PXK: variants seen among roughly 807,000 people sequenced by gnomAD.
PXK encodes the protein PX domain containing serine/threonine kinase like, also known as PX domain-containing protein kinase-like protein.
A neutral mutation model predicts 84.7 loss-of-function variants in PXK; 35 were observed. The ratio of observed to expected loss-of-function variants is 0.41; its 90% CI spans 0.32 to 0.55. The LOEUF is 0.55. Ranked by LOEUF, PXK falls within the 20% of genes least tolerant of loss-of-function variation. PXK has a pLI of 0.21. For missense variants in PXK, 634 were observed against 699.7 expected, an observed-to-expected ratio of 0.91 and a Z score of 1.06; for synonymous variants, 253 against 260.8, an observed-to-expected ratio of 0.97 and a Z score of 0.29.
rs946447365 is a variant in PXK, at chr3:58,425,484, A to G, written c.*524A>G. 1 of 155,544 alleles carries G rather than the reference A, an allele frequency of 6.4e-6. No individual in the cohort carries two copies. Among genetic ancestry groups the G allele is most frequent in the Non-Finnish European group, 1.4e-5 (1 of 70,276 alleles). 9.6% of individuals were successfully genotyped at this position (155,544 alleles called of 1,614,324 possible). ...AGTTACTTTGCTAAATCAGAAAGCA[A>G]CTGAGTTCTTTGTTTTCTCCTCAAA... On this transcript the variant is annotated 3_prime_UTR_variant, in exon 18 of 18. Coordinates refer to ENST00000356151, the MANE Select transcript of PXK (RefSeq NM_017771.5).
intron 1 of PXK, among the ~76,000 whole-genome samples, chr3:58,365,082 A>T (rs2098250798): frequency 6.6e-6 from 1 of 150,704 alleles, no homozygotes; most frequent in Non-Finnish European, 1.5e-5. Context: ...TTCTTTTTCT[A>T]GGTTCTTGAG....
intron 4 of PXK, 119 bp downstream of exon 4, chr3:58,382,819 A>G: frequency 1.4e-6 from 1 of 711,590 alleles, no homozygotes; most frequent in Admixed American, 3.6e-5. Context: ...CATTTGTTAT[A>G]GCATATTATG....
At position 58,370,587 on chromosome 3, in the gene PXK, C is replaced by A. The variant is rs532666113; in HGVS notation, c.201+1109C>A. On this transcript the variant is annotated intron_variant, in intron 3 of 17. Transcript: ENST00000356151. This position sits in a 1 kb window ranked among gnomAD's most constrained non-coding sequence, Gnocchi z 4.2. ...CCGTCATTGGTGAGCTAGCCGTTAT[C>A]GCTCATTCTGAGGGACCTCTGATCT... Among the ~76,000 whole-genome samples the A allele has an allele frequency of 6.6e-6, 1 of 152,150 alleles. No individual in the cohort carries two copies. Among genetic ancestry groups the A allele is most frequent in the South Asian group, 2.1e-4 (1 of 4,818 alleles).
At position 58,397,320 on chromosome 3, in the gene PXK, C is replaced by T. The variant is rs769015828; in HGVS notation, c.984+120C>T. On this transcript the variant is annotated intron_variant, in intron 10 of 17. Coordinates refer to ENST00000356151, the MANE Select transcript of PXK (RefSeq NM_017771.5). This position sits in a 1 kb window ranked among gnomAD's most constrained non-coding sequence, Gnocchi z 4.7. ...AGGTATAGTTGGGACAGGCCTTGCCCGTCAGCCCTTGCAGCGTTGCTGTAT... is the reference window on the plus strand; with the variant it reads ...AGGTATAGTTGGGACAGGCCTTGCCTGTCAGCCCTTGCAGCGTTGCTGTAT... The T allele has an allele frequency of 7.5e-5, 93 of 1,246,502 alleles. 1 individual carries two copies. Among genetic ancestry groups the T allele is most frequent in the South Asian group, 2.8e-4 (21 of 73,996 alleles). The allele number at this position is 1,246,502 out of a possible 1,614,324, so 77.2% of individuals were successfully genotyped here. A position where few individuals can be genotyped will look rare whatever the true frequency, so the allele number is the denominator to read the frequency against.
rs2058432287 is a variant in PXK, at chr3:58,400,729, G to A, written c.1181+1352G>A. On this transcript the variant is annotated intron_variant, in intron 12 of 17. Coordinates refer to ENST00000356151, the MANE Select transcript of PXK (RefSeq NM_017771.5). This position sits in a 1 kb window ranked among gnomAD's most constrained non-coding sequence, Gnocchi z 4.0. Reference sequence around the variant, plus strand: ...AGTTCAAGACCATCCTGGCCAACGTGTGGTGAAACCCTGTCTCTACTAAGA... The same window carrying A: ...AGTTCAAGACCATCCTGGCCAACGTATGGTGAAACCCTGTCTCTACTAAGA... Among the ~76,000 whole-genome samples the A allele has an allele frequency of 6.6e-6, 1 of 152,128 alleles. No individual in the cohort carries two copies. The highest frequency in any genetic ancestry group is 1.5e-5 in the Non-Finnish European group (1 of 68,030).
chr3:58,424,976 C>T lies in PXK; in HGVS notation c.*16C>T. On this transcript the variant is annotated 3_prime_UTR_variant, in exon 18 of 18. Transcript: ENST00000356151. The stretch of plus-strand genomic sequence containing the variant: ...GATCGGCTGAAGCTTCCTGTTTACA[C>T]TTGGAGGGAAAAGTTCTTTTTTATT... 1 of 1,613,334 alleles carries T rather than the reference C, an allele frequency of 6.2e-7. No individual in the cohort carries two copies. The highest frequency in any genetic ancestry group is 8.5e-7 in the Non-Finnish European group (1 of 1,179,660).
intron 1 of PXK, among the ~76,000 whole-genome samples, chr3:58,342,330 G>T (rs950009367): frequency 6.7e-6 from 1 of 149,520 alleles, no homozygotes; most frequent in African/African-American, 2.4e-5. Context: ...TGGATCTTAG[G>T]GTAAGAATCA....
At chr3:58,380,265 G>A (rs532062288) in intron 3 of PXK, among the ~76,000 whole-genome samples, 3 of 151,976 alleles carry the variant, frequency 2.0e-5, no homozygotes, top group East Asian at 3.9e-4. Flanking sequence ...AACAAAAAAT[G>A]GATCAAGAAT....
intron 4 of PXK, among the ~76,000 whole-genome samples, chr3:58,384,198 A>G (rs562672887): frequency 6.6e-6 from 1 of 152,318 alleles, no homozygotes; most frequent in African/African-American, 2.4e-5. Flanking sequence ...CAGCATTGGC[A>G]TCACTGGGAG....
At chr3:58,334,089 G>A (rs914094630) in intron 1 of PXK, among the ~76,000 whole-genome samples, 2 of 151,988 alleles carry the variant, frequency 1.3e-5, no homozygotes, top group Non-Finnish European at 2.9e-5. Context: ...GTGTTTGGGG[G>A]GTCATCATCT....
chr3:58,364,376 C>CG lies in PXK; in HGVS notation c.103-1492dup. ...CCATTGGGCCTTGATACATATTTGG[C>CG]GGGGGGAGGGGAGCGGAGTTTTTTA... On this transcript the variant is annotated intron_variant, in intron 1 of 17. Transcript: ENST00000356151. The surrounding 1 kb of genome is among the most constrained non-coding windows in gnomAD (Gnocchi z 4.3). Among the ~76,000 whole-genome samples the CG allele has an allele frequency of 6.6e-6, 1 of 151,878 alleles. No individual in the cohort carries two copies. Among genetic ancestry groups the CG allele is most frequent in the Admixed American group, 6.6e-5 (1 of 15,258 alleles).
intron 1 of PXK, 93 bp from the exon 2 acceptor site, chr3:58,365,781 T>G: frequency 9.6e-7 from 1 of 1,046,526 alleles, no homozygotes; most frequent in Non-Finnish European, 1.4e-6. Context: ...GAAGTCTACT[T>G]TATCTGATTT....
intron 1 of PXK, among the ~76,000 whole-genome samples, chr3:58,335,538 TG>T (rs1373427175): frequency 6.8e-6 from 1 of 147,274 alleles, no homozygotes; most frequent in Admixed American, 6.6e-5. Flanking sequence ...AGAAAGGCAC[TG>T]TTTTTTCTTG....
chr3:58,356,782 T>C (rs964335565), intron 1 of PXK, among the ~76,000 whole-genome samples: 1 of 151,854 alleles, frequency 6.6e-6, no homozygotes, highest in East Asian at 2.0e-4. Flanking sequence ...TTTTGTATTT[T>C]TAGTAGAGAC....
Position 58,416,246 on chromosome 3 carries a change from C to G in PXK, c.1528+3283C>G, listed in dbSNP as rs1251901307. Among the ~76,000 whole-genome samples, 2 of 152,194 alleles carry G rather than the reference C, an allele frequency of 1.3e-5. No homozygotes were observed. Among genetic ancestry groups the G allele is most frequent in the Non-Finnish European group, 2.9e-5 (2 of 68,040 alleles). On this transcript the variant is annotated intron_variant, in intron 17 of 17. Coordinates refer to ENST00000356151, the MANE Select transcript of PXK (RefSeq NM_017771.5). This position sits in a 1 kb window ranked among gnomAD's most constrained non-coding sequence, Gnocchi z 4.8. Reference sequence around the variant, plus strand: ...TTCTCTGGAGCTTTAACTTCCTTGGCTATTGTTCTTAAGCCACTTATTACC... The same window carrying G: ...TTCTCTGGAGCTTTAACTTCCTTGGGTATTGTTCTTAAGCCACTTATTACC...
chr3:58,334,095 C>G (rs575857844), intron 1 of PXK, among the ~76,000 whole-genome samples: 32 of 152,262 alleles, frequency 2.1e-4, no homozygotes, highest in Non-Finnish European at 3.2e-4. Context: ...GGGGGGTCAT[C>G]ATCTGGAGGC....
At position 58,333,758 on chromosome 3, in the gene PXK, C is replaced by T. The variant is rs2097539361; in HGVS notation, c.102+668C>T. ...AGCATTCATTTGAGTTTAAAATCCACTCGAGTAGCATAAAGGAGTAATAGG... is the reference window on the plus strand; with the variant it reads ...AGCATTCATTTGAGTTTAAAATCCATTCGAGTAGCATAAAGGAGTAATAGG... On this transcript the variant is annotated intron_variant, in intron 1 of 17. Coordinates refer to ENST00000356151, the MANE Select transcript of PXK (RefSeq NM_017771.5). This position sits in a 1 kb window ranked among gnomAD's most constrained non-coding sequence, Gnocchi z 5.4. The T allele has an allele frequency of 4.9e-6, 2 of 405,714 alleles. No homozygotes were observed. Among genetic ancestry groups the T allele is most frequent in the South Asian group, 1.8e-5 (1 of 56,488 alleles). The allele number at this position is 405,714 out of a possible 1,614,324, so 25.1% of individuals were successfully genotyped here. A position where few individuals can be genotyped will look rare whatever the true frequency, so the allele number is the denominator to read the frequency against.
In PXK at chr3:58,364,459, C is replaced by A. The variant is rs1378491711; in HGVS notation, c.103-1415C>A. ...GGGCGCGGTGGCTCACGCCTGTAATCCCAGCACTTTGGGAGGCCGAGGTGG... is the reference window on the plus strand; with the variant it reads ...GGGCGCGGTGGCTCACGCCTGTAATACCAGCACTTTGGGAGGCCGAGGTGG... On this transcript the variant is annotated intron_variant, in intron 1 of 17. Coordinates refer to ENST00000356151, the MANE Select transcript of PXK (RefSeq NM_017771.5). The surrounding 1 kb of genome is among the most constrained non-coding windows in gnomAD (Gnocchi z 4.3). Among the ~76,000 whole-genome samples, 1 of 152,076 alleles carries A rather than the reference C, an allele frequency of 6.6e-6. No individual in the cohort carries two copies. Among genetic ancestry groups the A allele is most frequent in the Non-Finnish European group, 1.5e-5 (1 of 68,010 alleles).
chr3:58,384,356 C>T (rs1337592360), intron 4 of PXK, among the ~76,000 whole-genome samples: 1 of 152,176 alleles, frequency 6.6e-6, no homozygotes. Flanking sequence ...CCGAAGTGCT[C>T]TACAGGGCTA....
Sources: gnomAD v4.1 joint callset for allele counts (sites outside exome capture counted in the v4.1 genomes callset) on GRCh38, gnomAD v4.1.1 for gene constraint, Gnocchi (gnomAD v3.1) non-coding constraint, MANE v1.5 for transcripts, NCBI Gene and HGNC (gene_info 2026-07-23, HGNC 2026-07-21) for gene names.